DTNBP1: variants seen among roughly 807,000 people sequenced by gnomAD.
The protein encoded by DTNBP1 is dysbindin.
In DTNBP1, 35 loss-of-function variants were observed where a neutral mutation model predicts 42.8. The ratio of observed to expected loss-of-function variants is 0.82; its 90% CI spans 0.63 to 1.09. The LOEUF is 1.09. Ranked by LOEUF, DTNBP1 falls within the 50% of genes least tolerant of loss-of-function variation. The pLI is 0.00. For synonymous variants in DTNBP1, 171 were observed against 162.2 expected (o/e 1.05, Z -0.41); for missense variants, 457 against 424.2 (o/e 1.08, Z -0.68).
chr6:15,655,675 T>C (rs749228763), intron 1 of DTNBP1, among the ~76,000 whole-genome samples: 2 of 150,146 alleles, frequency 1.3e-5, no homozygotes, highest in South Asian at 2.1e-4. Flanking sequence ...AAAGTAGCCA[T>C]AGGAAAGTTG....
At position 15,662,810 on chromosome 6, in the gene DTNBP1, C is replaced by A. The variant is rs1004582397; in HGVS notation, c.56+4G>T. 1.2e-6 allele frequency: 2 copies of A among 1,612,048 alleles called. No individual in the cohort carries two copies. The highest frequency in any genetic ancestry group is 2.7e-5 in the African/African-American group (2 of 75,008). On this transcript the variant is annotated splice_donor_region_variant and intron_variant, in intron 1 of 9. Transcript: ENST00000344537. ...TCCCTTTTCGTCGCCCACCGTATAC[C>A]CACCCGGAGGTGAAATCCTGCTGCA...
chr6:15,614,925 TGGA>T (rs1554168683), intron 6 of DTNBP1: 6 of 386,030 alleles, frequency 1.6e-5, no homozygotes, highest in South Asian at 8.4e-5. Flanking sequence ...GCTCTAGTAA[TGGA>T]GGAGAAGAGC....
chr6:15,645,109 C>T lies in DTNBP1; in HGVS notation c.161+6204G>A, dbSNP rs190336141. 3.1e-3 allele frequency among the ~76,000 whole-genome samples: 474 copies of T among 151,938 alleles called. 3 individuals are homozygous for T. The highest frequency in any genetic ancestry group is 1.8e-3 in the Non-Finnish European group (124 of 67,824). ...ATGACAAAAGTGACATCATAACTGA[C>T]ACCACAGAAAGACAAAAGATCATCA... On this transcript the variant is annotated intron_variant, in intron 3 of 9. Transcript: ENST00000344537.
At chr6:15,544,200 C>T (rs1324018599) in intron 7 of DTNBP1, among the ~76,000 whole-genome samples, 3 of 152,118 alleles carry the variant, frequency 2.0e-5, no homozygotes, top group Non-Finnish European at 4.4e-5. Context: ...TCGCTTTTTT[C>T]ACTCAGCATA....
chr6:15,589,255 T>C (rs1776199792), intron 7 of DTNBP1, among the ~76,000 whole-genome samples: 2 of 152,234 alleles, frequency 1.3e-5, no homozygotes, highest in African/African-American at 2.4e-5. Context: ...TCAGATGACT[T>C]GGTGCCTTCT....
chr6:15,595,528 A>G (rs1223725144), intron 6 of DTNBP1, among the ~76,000 whole-genome samples: 2 of 152,066 alleles, frequency 1.3e-5, no homozygotes, highest in African/African-American at 4.8e-5. Flanking sequence ...CGGCCTCCCA[A>G]AGTCCTGGGA....
intron 9 of DTNBP1, 103 bp from the exon 10 acceptor site, chr6:15,523,322 G>A (rs1561930082): frequency 6.6e-7 from 1 of 1,514,132 alleles, no homozygotes. Flanking sequence ...AGGGGGGTGT[G>A]GTTTTTGTTC....
intron 4 of DTNBP1, among the ~76,000 whole-genome samples, chr6:15,632,885 C>T (rs1759770523): frequency 1.3e-5 from 2 of 152,134 alleles, no homozygotes; most frequent in South Asian, 4.1e-4. Flanking sequence ...AAGAATGTCT[C>T]CCAGGTAGAA....
chr6:15,568,327 A>G (rs1241483157), intron 7 of DTNBP1, among the ~76,000 whole-genome samples: 1 of 152,220 alleles, frequency 6.6e-6, no homozygotes, highest in African/African-American at 2.4e-5. Flanking sequence ...ACTATTCATC[A>G]AAGTTAACAT....
chr6:15,594,932 A>G (rs1253147692), intron 6 of DTNBP1, among the ~76,000 whole-genome samples: 2 of 152,198 alleles, frequency 1.3e-5, no homozygotes, highest in Non-Finnish European at 2.9e-5. Flanking sequence ...ACTAACAACC[A>G]TAAAAACAAG....
At chr6:15,551,142 A>G (rs368354780) in intron 7 of DTNBP1, among the ~76,000 whole-genome samples, 1 of 152,080 alleles carries the variant, frequency 6.6e-6, no homozygotes, top group East Asian at 1.9e-4. Flanking sequence ...AAATGAGCAG[A>G]AAGAGAGGTG....
chr6:15,547,906 T>C (rs1470267185), intron 7 of DTNBP1, among the ~76,000 whole-genome samples: 1 of 152,162 alleles, frequency 6.6e-6, no homozygotes, highest in Non-Finnish European at 1.5e-5. Flanking sequence ...ATAAACAATA[T>C]AAAATTATAT....
chr6:15,528,077 TTA>T, intron 8 of DTNBP1, among the ~76,000 whole-genome samples: 1 of 152,132 alleles, frequency 6.6e-6, no homozygotes, highest in Non-Finnish European at 1.5e-5. Context: ...GTGCAGAAAC[TTA>T]CTGCAATTCC....
At chr6:15,654,476 A>C (rs534903695) in intron 1 of DTNBP1, among the ~76,000 whole-genome samples, 1 of 152,292 alleles carries the variant, frequency 6.6e-6, no homozygotes, top group African/African-American at 2.4e-5. Flanking sequence ...AATTCCTAAG[A>C]TCCTCTTTGG....
At chr6:15,538,605 A>G (rs1215038211) in intron 7 of DTNBP1, among the ~76,000 whole-genome samples, 1 of 152,236 alleles carries the variant, frequency 6.6e-6, no homozygotes, top group African/African-American at 2.4e-5. Context: ...ATTACACAGC[A>G]ATATGGGCTT....
In DTNBP1 at chr6:15,523,190, T is replaced by G. The variant is rs1430653773; in HGVS notation, c.841A>C (p.Ile281Leu). 2 of 1,614,170 alleles carry G rather than the reference T, an allele frequency of 1.2e-6. No homozygotes were observed. Among genetic ancestry groups the G allele is most frequent in the South Asian group, 1.1e-5 (1 of 91,084 alleles). The change falls in exon 10 of 10, where the codon ATT becomes CTT. Residue 281 changes from isoleucine (I) to leucine (L), a missense_variant. Transcript: ENST00000344537. ...GAGGGATTTGGAACCTGGAGGGTAATCTCATTCTGACAGGTACTGGATTCA... is the reference window on the plus strand; with the variant it reads ...GAGGGATTTGGAACCTGGAGGGTAAGCTCATTCTGACAGGTACTGGATTCA... ...GPESSTCQNE[I>L]TLQVPNPSEL...
chr6:15,543,916 C>A (rs959667585), intron 7 of DTNBP1, among the ~76,000 whole-genome samples: 6 of 152,194 alleles, frequency 3.9e-5, no homozygotes, highest in African/African-American at 1.4e-4. Flanking sequence ...TAGGAGCTAG[C>A]GGCATTAGGA....
At chr6:15,660,274 G>C in intron 1 of DTNBP1, 1 of 1,062,148 alleles carries the variant, frequency 9.4e-7, no homozygotes, top group Non-Finnish European at 1.3e-6. Context: ...TGTGTTTAGC[G>C]TCATCTTTTC....
chr6:15,522,822 C>CTTT lies in DTNBP1; in HGVS notation c.*150_*152dup. 7.3e-7 allele frequency: 1 copy of CTTT among 1,375,406 alleles called. No individual in the cohort carries two copies. Among genetic ancestry groups the CTTT allele is most frequent in the Non-Finnish European group, 1.0e-6 (1 of 987,500 alleles). The allele number at this position is 1,375,406 out of a possible 1,614,324, so 85.2% of individuals were successfully genotyped here. On this transcript the variant is annotated 3_prime_UTR_variant, in exon 10 of 10. Coordinates refer to ENST00000344537, the MANE Select transcript of DTNBP1 (RefSeq NM_032122.5). ...GCGCTCTCAGTTTACCGTCCTCACA[C>CTTT]TTTATTGTTAGCTGTTCTTTAAGTT...
Sources: allele counts gnomAD v4.1 joint callset (sites outside exome capture counted in the v4.1 genomes callset), GRCh38; gene constraint gnomAD v4.1.1; transcripts MANE v1.5; gene names NCBI Gene and HGNC (gene_info 2026-07-23, HGNC 2026-07-21).